ZNF385D: variants seen among roughly 807,000 people sequenced by gnomAD.
ZNF385D encodes the protein zinc finger protein 385D.
A neutral mutation model predicts 35.8 loss-of-function variants in ZNF385D; 15 were observed. That is an observed-to-expected ratio of 0.42 (90% CI 0.28 to 0.64). The LOEUF is 0.64. ZNF385D is among the 30% of genes least tolerant of loss of function. ZNF385D has a pLI of 0.23. For missense variants in ZNF385D, 474 were observed against 494.6 expected (o/e 0.96, Z 0.39); for synonymous variants, 212 against 186.8 (o/e 1.13, Z -1.10).
intron 2 of ZNF385D, among the ~76,000 whole-genome samples, chr3:22,182,483 G>C (rs1695344590): frequency 6.6e-6 from 1 of 151,866 alleles, no homozygotes. Context: ...TCCTTCAGAG[G>C]CTGGATTTGG....
chr3:21,432,491 A>C (rs1427839991), intron 5 of ZNF385D, among the ~76,000 whole-genome samples: 1 of 152,120 alleles, frequency 6.6e-6, no homozygotes. Context: ...TTTAACTATA[A>C]ACGATCTCAA....
chr3:21,653,863 T>C (rs1462850487), intron 2 of ZNF385D, among the ~76,000 whole-genome samples: 5 of 152,082 alleles, frequency 3.3e-5, no homozygotes, highest in Non-Finnish European at 7.4e-5. Context: ...CAGAAAACGC[T>C]GGTTATCTGT....
At chr3:22,305,925 T>C (rs955526195) in intron 2 of ZNF385D, among the ~76,000 whole-genome samples, 3 of 152,180 alleles carry the variant, frequency 2.0e-5, no homozygotes, top group Non-Finnish European at 4.4e-5. Context: ...TGTGTAGCAC[T>C]ACCTTCCTAG....
intron 3 of ZNF385D, among the ~76,000 whole-genome samples, chr3:21,951,714 C>G (rs1702074614): frequency 6.6e-6 from 1 of 151,536 alleles, no homozygotes; most frequent in African/African-American, 2.4e-5. Context: ...TATTCAGGCC[C>G]TACTTTTACT....
intron 3 of ZNF385D, among the ~76,000 whole-genome samples, chr3:21,519,018 AG>A (rs1037033536): frequency 1.3e-5 from 2 of 152,290 alleles, no homozygotes; most frequent in South Asian, 2.1e-4. Flanking sequence ...GATTCAATTA[AG>A]GGTATTCTTT....
chr3:21,500,531 G>T (rs1423283387), intron 4 of ZNF385D, among the ~76,000 whole-genome samples: 1 of 152,198 alleles, frequency 6.6e-6, no homozygotes, highest in East Asian at 1.9e-4. Flanking sequence ...TCATGTTTCT[G>T]TGCACCCAGG....
chr3:21,755,284 T>G (rs981032890), upstream of ZNF385D, among the ~76,000 whole-genome samples: 1 of 152,204 alleles, frequency 6.6e-6, no homozygotes, highest in Non-Finnish European at 1.5e-5. Context: ...TTAGATCCAT[T>G]ATCATCTTTA....
At chr3:21,687,647 G>A (rs559579849) in intron 1 of ZNF385D, among the ~76,000 whole-genome samples, 1 of 151,784 alleles carries the variant, frequency 6.6e-6, no homozygotes, top group Non-Finnish European at 1.5e-5. Context: ...ACATTCCCTG[G>A]GTTTGGACAA....
chr3:22,239,303 G>T (rs1196358782), intron 2 of ZNF385D, among the ~76,000 whole-genome samples: 1 of 150,852 alleles, frequency 6.6e-6, no homozygotes, highest in Non-Finnish European at 1.5e-5. Context: ...CGCTAAAATG[G>T]TAACATTGTG....
chr3:21,914,478 C>T (rs1257807706), intron 3 of ZNF385D, among the ~76,000 whole-genome samples: 1 of 150,334 alleles, frequency 6.7e-6, no homozygotes, highest in Non-Finnish European at 1.5e-5. Context: ...TGTGTTCCTA[C>T]CAAAAGATCA....
rs73138836 is a variant in ZNF385D, at chr3:21,667,573, A to G, written c.23-2545T>C. On this transcript the variant is annotated intron_variant, in intron 1 of 7. Transcript: ENST00000281523. ...ATTCGGTAAGGGTTAACAACATAAC[A>G]TCATGTAGAGAAAAAGAAATATGTT... is the stretch of plus-strand genomic sequence containing the variant. Among the ~76,000 whole-genome samples, 125 of 152,360 alleles carry G rather than the reference A, an allele frequency of 8.2e-4. 1 individual carries two copies. The highest frequency in any genetic ancestry group is 2.8e-3 in the African/African-American group (116 of 41,584).
intron 2 of ZNF385D, among the ~76,000 whole-genome samples, chr3:22,170,493 G>T (rs9862737): frequency 0.1 from 15,706 of 152,024 alleles, 2,226 homozygotes; most frequent in African/African-American, 0.32. Flanking sequence ...ATGAGTAAAA[G>T]GTTGGTCAGT....
At chr3:22,257,250 C>T (rs1021012680) in intron 2 of ZNF385D, among the ~76,000 whole-genome samples, 1 of 151,802 alleles carries the variant, frequency 6.6e-6, no homozygotes, top group Admixed American at 6.6e-5. Context: ...CCCAAGTCTC[C>T]TGGCCTTTAA....
chr3:22,070,000 C>T (rs377205928), intron 3 of ZNF385D, among the ~76,000 whole-genome samples: 1 of 152,174 alleles, frequency 6.6e-6, no homozygotes, highest in Non-Finnish European at 1.5e-5. Context: ...TGTTACTTTA[C>T]TATTCTTGGT....
chr3:21,824,414 T>C (rs1694465692), intron 3 of ZNF385D, among the ~76,000 whole-genome samples: 1 of 151,192 alleles, frequency 6.6e-6, no homozygotes, highest in Non-Finnish European at 1.5e-5. Context: ...CTCAAAATAA[T>C]AAAAAACAAA....
chr3:22,149,115 T>C (rs1042653703), intron 3 of ZNF385D, among the ~76,000 whole-genome samples: 1 of 152,154 alleles, frequency 6.6e-6, no homozygotes, highest in Non-Finnish European at 1.5e-5. Flanking sequence ...CAGGATCTCA[T>C]ACGCAACCCC....
chr3:21,782,461 C>T (rs946978069), intron 3 of ZNF385D, among the ~76,000 whole-genome samples: 7 of 152,064 alleles, frequency 4.6e-5, no homozygotes, highest in Admixed American at 1.3e-4. Context: ...GACAAATGAG[C>T]TTCTAATTCA....
chr3:21,656,095 A>G (rs2066064098), intron 2 of ZNF385D, among the ~76,000 whole-genome samples: 1 of 151,982 alleles, frequency 6.6e-6, no homozygotes, highest in Non-Finnish European at 1.5e-5. Context: ...TTACAACTGT[A>G]TGTAGATGAC....
intron 2 of ZNF385D, among the ~76,000 whole-genome samples, chr3:21,584,259 G>T (rs1297818235): frequency 6.6e-6 from 1 of 152,082 alleles, no homozygotes; most frequent in Non-Finnish European, 1.5e-5. Context: ...GATTACAGCC[G>T]TGAGCCATTG....
Sources: gnomAD v4.1 joint callset for allele counts (sites outside exome capture counted in the v4.1 genomes callset) on GRCh38, gnomAD v4.1.1 for gene constraint, MANE v1.5 for transcripts, NCBI Gene and HGNC (gene_info 2026-07-23, HGNC 2026-07-21) for gene names.